KIF26B: variants seen among roughly 807,000 people sequenced by gnomAD.
KIF26B encodes the protein kinesin-like protein KIF26B.
In KIF26B, 63 loss-of-function variants were observed where a neutral mutation model predicts 151.2. That is an observed-to-expected ratio of 0.42 (90% CI 0.34 to 0.51). The LOEUF is 0.51. Among genes scored for constraint, KIF26B ranks in the 20% least tolerant of loss-of-function variants. The pLI, the probability that KIF26B is intolerant of heterozygous loss-of-function variation, is 0.07. For missense variants in KIF26B, 2,813 were observed against 2,913.6 expected, an observed-to-expected ratio of 0.97 and a Z score of 0.79; for synonymous variants, 1,357 against 1,262.1, an observed-to-expected ratio of 1.08 and a Z score of -1.59.
intron 4 of KIF26B, among the ~76,000 whole-genome samples, chr1:245,447,442 G>T (rs1007726229): frequency 2.0e-5 from 3 of 152,134 alleles, no homozygotes; most frequent in African/African-American, 7.2e-5. Flanking sequence ...TGGGAAACTT[G>T]ATCTTCAATG....
chr1:245,478,817 G>A (rs1449303054), intron 4 of KIF26B, among the ~76,000 whole-genome samples: 1 of 151,770 alleles, frequency 6.6e-6, no homozygotes, highest in Non-Finnish European at 1.5e-5. Context: ...TGATGGCAGC[G>A]ACGTGGGTGA....
intron 11 of KIF26B, 108 bp from the exon 12 acceptor site, chr1:245,685,297 G>T: frequency 1.0e-6 from 1 of 952,752 alleles, no homozygotes; most frequent in Middle Eastern, 2.3e-4. Context: ...GGGGGTGGCT[G>T]TCAGTAGCCT....
chr1:245,444,028 C>T (rs1488501871), intron 4 of KIF26B, among the ~76,000 whole-genome samples: 27 of 139,060 alleles, frequency 1.9e-4, no homozygotes, highest in Admixed American at 2.8e-4. Context: ...CACTGTTCAT[C>T]TAGAGGAGAG....
rs369552215 is a variant in KIF26B, at chr1:245,367,018, C to T, written c.650C>T (p.Ser217Leu). Residue 217 changes from serine (S) to leucine (L), a missense_variant, in exon 3 of 15, where the codon TCG becomes TTG. Physicochemically the swap from Ser to Leu is moderately radical, Grantham distance 145 (BLOSUM62 -2). Coordinates refer to ENST00000407071, the MANE Select transcript of KIF26B (RefSeq NM_018012.4). The surrounding 1 kb of genome is among the most constrained non-coding windows in gnomAD (Gnocchi z 4.2). ...GCCGGCAGTGAGCACTACGACGCCT[C>T]GCCCTGCTCCCCGCCACCGCTCTCC... The part of the protein sequence containing the change: ...QAAGSEHYDA[S>L]PCSPPPLSNI... 1.2e-5 allele frequency: 20 copies of T among 1,611,590 alleles called. No individual in the cohort carries two copies. The highest frequency in any genetic ancestry group is 1.6e-5 in the Non-Finnish European group (19 of 1,179,068).
chr1:245,494,206 T>C (rs1660465092), intron 4 of KIF26B, among the ~76,000 whole-genome samples: 1 of 152,164 alleles, frequency 6.6e-6, no homozygotes. Context: ...CTCGGGAGAC[T>C]GAGGCAGGAG....
rs114542370 is a variant in KIF26B, at chr1:245,246,307, C to A, written c.465+89624C>A. On this transcript the variant is annotated intron_variant, in intron 2 of 14. Transcript: ENST00000407071. ...CCCCCTGAGCCAACGCTCTGCTCTTCGGAATCATTGATCTGTCTGGGGATG... is the reference window on the plus strand; with the variant it reads ...CCCCCTGAGCCAACGCTCTGCTCTTAGGAATCATTGATCTGTCTGGGGATG... Among the ~76,000 whole-genome samples the A allele has an allele frequency of 4.5e-3, 684 of 152,302 alleles. 2 individuals are homozygous for A. Among genetic ancestry groups the A allele is most frequent in the African/African-American group, 0.016 (647 of 41,540 alleles).
intron 2 of KIF26B, among the ~76,000 whole-genome samples, chr1:245,237,544 C>T (rs2103558352): frequency 6.6e-6 from 1 of 152,260 alleles, no homozygotes; most frequent in African/African-American, 2.4e-5. Context: ...GGTGATGCTG[C>T]AGCCGGGGCC....
chr1:245,648,067 C>G (rs908992721), intron 10 of KIF26B, among the ~76,000 whole-genome samples: 1 of 152,314 alleles, frequency 6.6e-6, no homozygotes, highest in Admixed American at 6.5e-5. Flanking sequence ...TACTAGCACT[C>G]ACTGGTTTCC....
chr1:245,340,621 C>T (rs1450869522), intron 2 of KIF26B, among the ~76,000 whole-genome samples: 2 of 152,120 alleles, frequency 1.3e-5, no homozygotes, highest in Non-Finnish European at 2.9e-5. Context: ...ACGATGTATA[C>T]GGCACCATGT....
intron 4 of KIF26B, among the ~76,000 whole-genome samples, chr1:245,454,724 G>A (rs1248600785): frequency 6.6e-6 from 1 of 152,152 alleles, no homozygotes; most frequent in African/African-American, 2.4e-5. Context: ...CTAGTTCTCT[G>A]GCAGGAGAGC....
chr1:245,558,968 A>T (rs186884676), intron 5 of KIF26B, among the ~76,000 whole-genome samples: 16 of 152,358 alleles, frequency 1.1e-4, no homozygotes, highest in Admixed American at 5.9e-4. Context: ...CAGTTATGTA[A>T]GAAAAACAGC....
At chr1:245,343,750 T>G (rs558746268) in intron 2 of KIF26B, among the ~76,000 whole-genome samples, 1 of 152,210 alleles carries the variant, frequency 6.6e-6, no homozygotes, top group African/African-American at 2.4e-5. Context: ...AGATGTTGAC[T>G]TATAATTCAT....
chr1:245,487,103 G>GT (rs1181611949), intron 4 of KIF26B, among the ~76,000 whole-genome samples: 1 of 152,094 alleles, frequency 6.6e-6, no homozygotes, highest in Non-Finnish European at 1.5e-5. Context: ...TGAGAATGGG[G>GT]GGGGTGGTTA....
chr1:245,165,488 CTCTAGAGCGGCT>C (rs1668600504), intron 2 of KIF26B, among the ~76,000 whole-genome samples: 2 of 152,176 alleles, frequency 1.3e-5, no homozygotes, highest in Non-Finnish European at 2.9e-5. Context: ...CCTGTTGGCG[CTCTAGAGCGGCT>C]TCTGAGGTGG....
chr1:245,657,887 T>C (rs2044091458), intron 10 of KIF26B, among the ~76,000 whole-genome samples: 1 of 152,202 alleles, frequency 6.6e-6, no homozygotes, highest in Admixed American at 6.5e-5. Flanking sequence ...ACTCAGTCTA[T>C]AGAATGACAA....
chr1:245,697,110 C>CA (rs1206258292), intron 12 of KIF26B, among the ~76,000 whole-genome samples: 1 of 152,074 alleles, frequency 6.6e-6, no homozygotes, highest in African/African-American at 2.4e-5. Flanking sequence ...GACTCCCTCT[C>CA]AAAAACAGTG....
chr1:245,352,933 C>G lies in KIF26B; in HGVS notation c.466-13901C>G, dbSNP rs1672602255. Among the ~76,000 whole-genome samples the G allele has an allele frequency of 6.6e-6, 1 of 152,070 alleles. No individual in the cohort carries two copies. Among genetic ancestry groups the G allele is most frequent in the South Asian group, 2.1e-4 (1 of 4,820 alleles). On this transcript the variant is annotated intron_variant, in intron 2 of 14. Coordinates refer to ENST00000407071, the MANE Select transcript of KIF26B (RefSeq NM_018012.4). The surrounding 1 kb of genome is among the most constrained non-coding windows in gnomAD (Gnocchi z 5.0). ...TTGCTATAGACTTTTGCTTTTTACT[C>G]TTTTCCACTGAGTCTGCTCATATTA... is the stretch of plus-strand genomic sequence containing the variant.
intron 2 of KIF26B, among the ~76,000 whole-genome samples, chr1:245,303,304 T>C (rs1375492796): frequency 3.4e-5 from 5 of 146,510 alleles, no homozygotes; most frequent in South Asian, 4.5e-4. Flanking sequence ...GTTCACGCCA[T>C]TCTCCTGCCT....
chr1:245,223,369 T>C (rs1220154601), intron 2 of KIF26B, among the ~76,000 whole-genome samples: 1 of 152,236 alleles, frequency 6.6e-6, no homozygotes, highest in Admixed American at 6.5e-5. Context: ...GAAATGTACA[T>C]GCAATGAAAT....
Sources: allele counts gnomAD v4.1 joint callset (sites outside exome capture counted in the v4.1 genomes callset), GRCh38; gene constraint gnomAD v4.1.1; non-coding constraint Gnocchi (gnomAD v3.1); transcripts MANE v1.5; gene names NCBI Gene and HGNC (gene_info 2026-07-23, HGNC 2026-07-21).